TFDP2: variants seen among roughly 807,000 people sequenced by gnomAD.
The protein encoded by TFDP2 is transcription factor Dp-2, also known as transcription factor Dp-2 (E2F dimerization partner 2).
In TFDP2, 17 loss-of-function variants were observed where a neutral mutation model predicts 59.3. The observed-to-expected ratio is 0.29, with a 90% CI of 0.20 to 0.43. TFDP2 has a LOEUF of 0.43. TFDP2 is among the 20% of genes least tolerant of loss of function. TFDP2 has a pLI of 1.00. For missense variants in TFDP2, 391 were observed against 528.8 expected (o/e 0.74, Z 2.56); for synonymous variants, 180 against 194.7 (o/e 0.92, Z 0.63).
chr3:141,965,754 T>A lies in TFDP2; in HGVS notation c.733-1791A>T, dbSNP rs188866199. Among the ~76,000 whole-genome samples the A allele has an allele frequency of 2.2e-4, 33 of 152,100 alleles. No individual in the cohort carries two copies. The South Asian group carries it at 6.0e-3, about 28-fold the overall frequency. On this transcript the variant is annotated intron_variant, in intron 9 of 12. Transcript: ENST00000489671. ...CCAATTTATTGTAGACCTAAGTGTG[T>A]CCAAAAATCACTATCAATAACTAGC...
At chr3:142,089,892 C>T (rs1027296543) in intron 3 of TFDP2, among the ~76,000 whole-genome samples, 1 of 151,712 alleles carries the variant, frequency 6.6e-6, no homozygotes, top group African/African-American at 2.4e-5. Flanking sequence ...TGAAAAATTA[C>T]AAAAAAGAAA....
chr3:142,023,329 C>T (rs1268408395), intron 3 of TFDP2, among the ~76,000 whole-genome samples: 3 of 150,104 alleles, frequency 2.0e-5, no homozygotes, highest in Non-Finnish European at 3.0e-5. Flanking sequence ...GGATTATGGG[C>T]GTGTGCCACC....
At chr3:142,100,716 C>G (rs1319529944) in intron 2 of TFDP2, among the ~76,000 whole-genome samples, 3 of 150,778 alleles carry the variant, frequency 2.0e-5, no homozygotes, top group Non-Finnish European at 4.4e-5. Flanking sequence ...ACAGGCTGGT[C>G]CCCTAACATA....
chr3:142,017,170 A>G (rs551628888), intron 3 of TFDP2, among the ~76,000 whole-genome samples: 2 of 152,290 alleles, frequency 1.3e-5, no homozygotes, highest in South Asian at 4.1e-4. Context: ...TTTCCACCAT[A>G]GTACTTATCT....
At chr3:142,142,731 C>A (rs1006405682) in intron 1 of TFDP2, among the ~76,000 whole-genome samples, 3 of 152,186 alleles carry the variant, frequency 2.0e-5, no homozygotes, top group Non-Finnish European at 2.9e-5. Context: ...ACCAAAACAG[C>A]ATGGGACTGG....
Position 141,950,902 on chromosome 3 carries a change from G to A in TFDP2, c.*1611C>T, listed in dbSNP as rs1304860692. Reference sequence around the variant, plus strand: ...TACTATGGCTTATTTCTGACAGAATGAAACTTTTGTATCAAAGGAGCTTCA... The same window carrying A: ...TACTATGGCTTATTTCTGACAGAATAAAACTTTTGTATCAAAGGAGCTTCA... On this transcript the variant is annotated 3_prime_UTR_variant, in exon 13 of 13. Coordinates refer to ENST00000489671, the MANE Select transcript of TFDP2 (RefSeq NM_001178139.2). 6.6e-6 allele frequency: 1 copy of A among 152,234 alleles called. No individual in the cohort carries two copies. The highest frequency in any genetic ancestry group is 2.4e-5 in the African/African-American group (1 of 41,460). 9.4% of individuals were successfully genotyped at this position (152,234 alleles called of 1,614,324 possible).
intron 3 of TFDP2, among the ~76,000 whole-genome samples, chr3:142,079,943 C>T (rs1398336592): frequency 6.6e-6 from 1 of 152,146 alleles, no homozygotes; most frequent in Non-Finnish European, 1.5e-5. Context: ...AATAAGAAAT[C>T]ATCTGAAGGT....
chr3:141,956,062 C>G (rs1936582509), intron 11 of TFDP2, among the ~76,000 whole-genome samples: 1 of 152,198 alleles, frequency 6.6e-6, no homozygotes, highest in African/African-American at 2.4e-5. Context: ...CCTGCCTCAG[C>G]CTCCCAAAGT....
At chr3:141,973,990 A>G (rs1015084468) in intron 8 of TFDP2, 58 bp downstream of exon 8, 2 of 1,518,486 alleles carry the variant, frequency 1.3e-6, no homozygotes, top group Non-Finnish European at 1.8e-6. Context: ...TTTAAATTAA[A>G]ATGCCTGTGA....
At chr3:142,088,655 G>A (rs2060893200) in intron 3 of TFDP2, among the ~76,000 whole-genome samples, 1 of 147,184 alleles carries the variant, frequency 6.8e-6, no homozygotes, top group Non-Finnish European at 1.5e-5. Context: ...CTGTCACCCA[G>A]GCTGGAATGC....
At chr3:142,006,044 G>C (rs1005646004) in intron 3 of TFDP2, among the ~76,000 whole-genome samples, 1 of 152,144 alleles carries the variant, frequency 6.6e-6, no homozygotes, top group African/African-American at 2.4e-5. Context: ...AATTGGTAAT[G>C]CTTTAGGGTT....
intron 1 of TFDP2, among the ~76,000 whole-genome samples, chr3:142,141,384 C>T (rs1277477913): frequency 6.6e-6 from 1 of 152,216 alleles, no homozygotes; most frequent in African/African-American, 2.4e-5. Context: ...ACCCACGGTC[C>T]AACCAGTCCC....
intron 8 of TFDP2, 58 bp from the exon 9 acceptor site, chr3:141,970,199 A>C: frequency 6.6e-7 from 1 of 1,511,994 alleles, no homozygotes. Context: ...AATATCGTTC[A>C]CTTTCCAGGT....
chr3:142,081,808 A>G (rs1424817851), intron 3 of TFDP2, among the ~76,000 whole-genome samples: 1 of 152,220 alleles, frequency 6.6e-6, no homozygotes, highest in Non-Finnish European at 1.5e-5. Context: ...ACAGACCAAT[A>G]ACAAGTAACA....
intron 3 of TFDP2, among the ~76,000 whole-genome samples, chr3:142,013,084 C>CTA: frequency 1.3e-5 from 2 of 152,060 alleles, no homozygotes; most frequent in Admixed American, 6.6e-5. Flanking sequence ...TTGCCATGAG[C>CTA]TAAGATCGCA....
intron 3 of TFDP2, among the ~76,000 whole-genome samples, chr3:142,082,694 C>T (rs1282317298): frequency 3.3e-5 from 5 of 152,126 alleles, no homozygotes; most frequent in Admixed American, 2.0e-4. Context: ...GGATGTATCC[C>T]AGAGATGCAA....
chr3:142,021,774 G>A (rs982510405), intron 3 of TFDP2, among the ~76,000 whole-genome samples: 1 of 152,100 alleles, frequency 6.6e-6, no homozygotes, highest in Non-Finnish European at 1.5e-5. Context: ...TCAAGCTCTG[G>A]TATCTGGAAT....
chr3:142,093,840 G>C (rs889582850), intron 2 of TFDP2: 6 of 301,108 alleles, frequency 2.0e-5, no homozygotes, highest in African/African-American at 1.3e-4. Context: ...CTGTAAATTG[G>C]AGGGTGATAC....
intron 1 of TFDP2, among the ~76,000 whole-genome samples, chr3:142,109,542 G>A (rs1205624860): frequency 6.6e-6 from 1 of 152,044 alleles, no homozygotes; most frequent in Non-Finnish European, 1.5e-5. Context: ...TGGTCAGGCT[G>A]GTCTCAAACT....
Sources: allele counts gnomAD v4.1 joint callset (sites outside exome capture counted in the v4.1 genomes callset), GRCh38; gene constraint gnomAD v4.1.1; transcripts MANE v1.5; gene names NCBI Gene and HGNC (gene_info 2026-07-23, HGNC 2026-07-21).